The following CLEC2A variants were observed in gnomAD, a reference collection of about 807,000 sequenced individuals.
CLEC2A encodes keratinocyte-associated C-type lectin.
In CLEC2A, 19 loss-of-function variants were observed where a neutral mutation model predicts 18.6. That is an observed-to-expected ratio of 1.02 (90% confidence interval 0.71 to 1.50). The LOEUF (loss-of-function observed/expected upper bound fraction) is 1.50. CLEC2A is among the 40% of genes most tolerant of loss of function. The probability of loss-of-function intolerance (pLI) is 0.00; values close to 1 mark genes in which losing one functional copy is unlikely to be tolerated. For synonymous variants in CLEC2A, 74 were observed against 64.0 expected (o/e 1.16, Z -0.75); for missense variants, 190 against 207.9 (o/e 0.91, Z 0.53).
At chr12:9,922,321 C>T in intron 2 of CLEC2A, 89 bp from the exon 3 acceptor site, 1 of 1,195,748 alleles carries the variant, frequency 8.4e-7, no homozygotes, top group Non-Finnish European at 1.1e-6. Context: ...CTTTTTGCTT[C>T]CACAGTTTGA....
chr12:9,892,693 T>C, the CLEC2A span, among the ~76,000 whole-genome samples: 1 of 150,184 alleles, frequency 6.7e-6, no homozygotes. Flanking sequence ...CAAGCGATTC[T>C]CCTGCCTCAG....
At chr12:9,927,615 A>G (rs1428410099) in intron 1 of CLEC2A, among the ~76,000 whole-genome samples, 1 of 152,204 alleles carries the variant, frequency 6.6e-6, no homozygotes, top group Non-Finnish European at 1.5e-5. Flanking sequence ...CTCTTTCTTC[A>G]GAACTTAAAG....
chr12:9,908,601 A>G (rs1308195019), downstream of CLEC2A, among the ~76,000 whole-genome samples: 4 of 152,192 alleles, frequency 2.6e-5, no homozygotes, highest in Admixed American at 1.3e-4. Context: ...GGGACTTGAG[A>G]TAAAAGAGAC....
At chr12:9,893,397 A>C in the CLEC2A span, 1 of 1,074,096 alleles carries the variant, frequency 9.3e-7, no homozygotes. Flanking sequence ...TTTTAAACAA[A>C]TGAATGAATA....
rs559196672 is a variant in CLEC2A, at chr12:9,926,683, C to CAAAA, written c.56-341_56-340insTTTT. On this transcript the variant is annotated intron_variant, in intron 1 of 4. Coordinates refer to ENST00000455827, the MANE Select transcript of CLEC2A (RefSeq NM_001130711.2). ...GGCATAAAGATCATCAAAAGGTCCA[C>CAAAA]GATTAGAGCAAATGTTTATAACAGA... Among the ~76,000 whole-genome samples, 230 of 151,968 alleles carry CAAAA rather than the reference C, an allele frequency of 1.5e-3. 1 individual carries two copies. Among genetic ancestry groups the CAAAA allele is most frequent in the African/African-American group, 4.8e-3 (200 of 41,432 alleles).
At chr12:9,882,712 C>T in the CLEC2A span, among the ~76,000 whole-genome samples, 5 of 152,044 alleles carry the variant, frequency 3.3e-5, no homozygotes, top group South Asian at 8.3e-4. Flanking sequence ...ACCCGGGAGA[C>T]GGAGGTTGCA....
the CLEC2A span, among the ~76,000 whole-genome samples, chr12:9,881,180 AT>A: frequency 1.3e-5 from 2 of 152,170 alleles, no homozygotes; most frequent in Non-Finnish European, 2.9e-5. Context: ...TTTAATTTGA[AT>A]TTTTATTTAC....
chr12:9,908,334 TC>T (rs1433021757), downstream of CLEC2A, among the ~76,000 whole-genome samples: 4 of 152,208 alleles, frequency 2.6e-5, no homozygotes, highest in Admixed American at 1.3e-4. Flanking sequence ...TAGCATTAAG[TC>T]CCTTCCTAAC....
intron 4 of CLEC2A, 46 bp downstream of exon 4, chr12:9,916,654 T>C (rs1250008541): frequency 2.5e-6 from 3 of 1,191,544 alleles, no homozygotes; most frequent in African/African-American, 1.5e-5. Flanking sequence ...AAATTTTTCA[T>C]ATGACACACC....
intron 3 of CLEC2A, among the ~76,000 whole-genome samples, chr12:9,920,190 C>T (rs538435400): frequency 5.4e-4 from 82 of 152,284 alleles, no homozygotes; most frequent in African/African-American, 1.9e-3. Context: ...TGCAGAATGT[C>T]GCTGCTCAGC....
chr12:9,928,160 A>C (rs1863309852), intron 1 of CLEC2A, among the ~76,000 whole-genome samples: 1 of 152,176 alleles, frequency 6.6e-6, no homozygotes. Context: ...GAAAATGATA[A>C]ATTGAATTTA....
the CLEC2A span, chr12:9,885,063 T>G: frequency 2.4e-6 from 2 of 835,828 alleles, no homozygotes; most frequent in Non-Finnish European, 3.3e-6. Flanking sequence ...TATTTGAACA[T>G]TTTCAGAAGA....
At chr12:9,910,042 T>G (rs1776437806), downstream of CLEC2A, among the ~76,000 whole-genome samples, 1 of 152,198 alleles carries the variant, frequency 6.6e-6, no homozygotes, top group African/African-American at 2.4e-5. Flanking sequence ...GAGCATACTC[T>G]ATATCCTCCA....
chr12:9,926,664 A>G (rs1863277715), intron 1 of CLEC2A, among the ~76,000 whole-genome samples: 1 of 152,182 alleles, frequency 6.6e-6, no homozygotes, highest in Admixed American at 6.5e-5. Flanking sequence ...AAAAGGCATA[A>G]AGATCATCAA....
At chr12:9,888,096 G>GAAA in the CLEC2A span, among the ~76,000 whole-genome samples, 1,693 of 101,242 alleles carry the variant, frequency 0.017, 37 homozygotes, top group African/African-American at 0.06. Context: ...TAATAAAAAT[G>GAAA]AAAAAAAAAA....
chr12:9,906,591 C>T (rs1390864005), intron 4 of CLEC2A, among the ~76,000 whole-genome samples: 2 of 152,146 alleles, frequency 1.3e-5, no homozygotes, highest in African/African-American at 2.4e-5. Flanking sequence ...TAAATGGTCC[C>T]TTCCTGGTTT....
rs1028575335 is a variant in CLEC2A at position 9,926,396 on chromosome 12, A to G, written c.56-53T>C. The G allele has an allele frequency of 7.5e-5, 79 of 1,057,142 alleles. 1 individual carries two copies. In the African/African-American group the frequency reaches 1.1e-3, roughly 14 times the overall value. 65.5% of individuals were successfully genotyped at this position (1,057,142 alleles called of 1,614,324 possible). A position where few individuals can be genotyped will look rare whatever the true frequency, so the allele number is the denominator to read the frequency against. On this transcript the variant is annotated intron_variant, in intron 1 of 4. Coordinates refer to ENST00000455827, the MANE Select transcript of CLEC2A (RefSeq NM_001130711.2). Reference sequence around the variant, plus strand: ...CAATTTCTGAATAAACACTGACTCGATATTATTACTGGTGTATTCCTCTCC... The same window carrying G: ...CAATTTCTGAATAAACACTGACTCGGTATTATTACTGGTGTATTCCTCTCC...
At chr12:9,895,754 C>T, downstream of CLEC2A, 2 of 1,535,928 alleles carry the variant, frequency 1.3e-6, 1 homozygote, top group South Asian at 2.4e-5. Context: ...TGGGTGTATT[C>T]TGAAGACTGT....
downstream of CLEC2A, among the ~76,000 whole-genome samples, chr12:9,911,491 C>T (rs144569216): frequency 2.0e-5 from 3 of 152,140 alleles, no homozygotes; most frequent in Non-Finnish European, 4.4e-5. Flanking sequence ...TTCTCAAAAC[C>T]CCAAAAGTAG....
Sources: allele counts gnomAD v4.1 joint callset (sites outside exome capture counted in the v4.1 genomes callset), GRCh38; gene constraint gnomAD v4.1.1; transcripts MANE v1.5; gene names NCBI Gene and HGNC (gene_info 2026-07-23, HGNC 2026-07-21).